Variants in SCG3 observed in about 807,000 individuals in gnomAD.
The protein encoded by SCG3 is secretogranin-3.
A neutral mutation model predicts 56.2 loss-of-function variants in SCG3; 38 were observed. The ratio of observed to expected loss-of-function variants is 0.68; its 90% CI spans 0.52 to 0.89. The LOEUF is 0.89. Ranked by LOEUF, SCG3 falls within the 40% of genes least tolerant of loss-of-function variation. SCG3 has a pLI of 0.00. For missense variants in SCG3, 524 were observed against 540.7 expected (o/e 0.97, Z 0.31); for synonymous variants, 176 against 184.2 (o/e 0.96, Z 0.36).
chr15:51,713,429 G>A lies in SCG3; in HGVS notation c.1288+16G>A. 2 of 1,515,376 alleles carry A rather than the reference G, an allele frequency of 1.3e-6. No individual in the cohort carries two copies. The highest frequency in any genetic ancestry group is 1.8e-6 in the Non-Finnish European group (2 of 1,109,622). The allele number at this position is 1,515,376 out of a possible 1,614,324, so 93.9% of individuals were successfully genotyped here. Reference sequence around the variant, plus strand: ...AATAAAGAAGGTAGGACCAAGTGTGGTTGTACATTGCAAACTTCACCCATT... The same window carrying A: ...AATAAAGAAGGTAGGACCAAGTGTGATTGTACATTGCAAACTTCACCCATT... On this transcript the variant is annotated intron_variant, in intron 11 of 11. Transcript: ENST00000220478.
intron 6 of SCG3, among the ~76,000 whole-genome samples, chr15:51,690,361 T>C (rs2055258730): frequency 6.6e-6 from 1 of 152,188 alleles, no homozygotes; most frequent in Non-Finnish European, 1.5e-5. Flanking sequence ...AAACTGACCA[T>C]AAGGGGATAT....
intron 11 of SCG3, among the ~76,000 whole-genome samples, chr15:51,718,163 ATAGT>A (rs1230376745): frequency 2.0e-5 from 3 of 150,466 alleles, no homozygotes; most frequent in Middle Eastern, 3.4e-3. Context: ...ACCTATATAG[ATAGT>A]TAGATGATGG....
chr15:51,691,751 A>T (rs894303027), intron 6 of SCG3, among the ~76,000 whole-genome samples: 13 of 152,222 alleles, frequency 8.5e-5, no homozygotes, highest in African/African-American at 2.9e-4. Flanking sequence ...AGGGATAGAC[A>T]TTCTAACAGG....
intron 10 of SCG3, among the ~76,000 whole-genome samples, chr15:51,710,752 A>AT (rs60536489): frequency 0.13 from 13,328 of 104,852 alleles, 1,915 homozygotes; most frequent in African/African-American, 0.35. Flanking sequence ...TGCCTGGCTA[A>AT]TTTTTTTTTT....
Position 51,682,535 on chromosome 15 carries a change from G to A in SCG3, c.101G>A (p.Arg34Lys), listed in dbSNP as rs376881513. The A allele has an allele frequency of 1.6e-5, 23 of 1,454,924 alleles. No individual in the cohort carries two copies. The South Asian group carries it at 2.9e-4, about 18-fold the overall frequency. 90.1% of individuals were successfully genotyped at this position (1,454,924 alleles called of 1,614,324 possible). Residue 34 changes from arginine to lysine, a missense_variant, in exon 2 of 12, where the codon AGA becomes AAA. Transcript: ENST00000220478. ...GGSQDKSLHN[R>K]ELSAERPLNE... ...ATTCTAGACAAATCTCTACATAATA[G>A]AGAATTAAGTGCAGAAAGACCTTTG...
At chr15:51,716,648 A>G (rs1185830882) in intron 11 of SCG3, among the ~76,000 whole-genome samples, 1 of 152,198 alleles carries the variant, frequency 6.6e-6, no homozygotes, top group African/African-American at 2.4e-5. Context: ...CTCTCACTCA[A>G]CACAACAATC....
chr15:51,707,089 T>C (rs941703219), intron 10 of SCG3, among the ~76,000 whole-genome samples: 2 of 152,230 alleles, frequency 1.3e-5, no homozygotes, highest in African/African-American at 4.8e-5. Flanking sequence ...TGTTTACTCA[T>C]TCACATCTGT....
chr15:51,682,480 G>T (rs769091338), intron 1 of SCG3, 37 bp from the exon 2 acceptor site: 1 of 1,141,160 alleles, frequency 8.8e-7, no homozygotes, highest in South Asian at 1.5e-5. Context: ...GTCCTTCAAC[G>T]CACAATTAAA....
chr15:51,720,573 A>G lies in SCG3; in HGVS notation c.*1047A>G, dbSNP rs1355335752. On this transcript the variant is annotated 3_prime_UTR_variant, in exon 12 of 12. Coordinates refer to ENST00000220478, the MANE Select transcript of SCG3 (RefSeq NM_013243.4). ...AAATTAATTACATACATATTTTTCT[A>G]TATATTTGTTTCAAACTGTAAAAAT... The G allele has an allele frequency of 6.6e-6, 1 of 152,206 alleles. No individual in the cohort carries two copies. The highest frequency in any genetic ancestry group is 1.5e-5 in the Non-Finnish European group (1 of 68,032). The allele number at this position is 152,206 out of a possible 1,614,324, so 9.4% of individuals were successfully genotyped here.
intron 10 of SCG3, among the ~76,000 whole-genome samples, chr15:51,703,330 C>A (rs912384857): frequency 6.6e-6 from 1 of 152,154 alleles, no homozygotes; most frequent in African/African-American, 2.4e-5. Context: ...AGAAGAGAAA[C>A]AAACTAGCTA....
At chr15:51,695,072 G>C (rs374951003) in intron 7 of SCG3, among the ~76,000 whole-genome samples, 12 of 151,450 alleles carry the variant, frequency 7.9e-5, no homozygotes, top group Admixed American at 3.3e-4. Context: ...GAAACTGCTA[G>C]TAATCGTTAC....
intron 11 of SCG3, 91 bp from the exon 12 acceptor site, chr15:51,719,317 T>C (rs1347382485): frequency 1.2e-6 from 1 of 816,870 alleles, no homozygotes; most frequent in Non-Finnish European, 2.0e-6. Flanking sequence ...ATTGTGTTAT[T>C]GTATAAAATG....
At chr15:51,689,404 TG>T in intron 6 of SCG3, 36 bp downstream of exon 6, 2 of 1,127,088 alleles carry the variant, frequency 1.8e-6, no homozygotes, top group Non-Finnish European at 2.3e-6. Flanking sequence ...CATGGGGGTG[TG>T]TGTGTGTGTG....
intron 9 of SCG3, among the ~76,000 whole-genome samples, chr15:51,700,758 C>T (rs1036169020): frequency 6.7e-6 from 1 of 149,064 alleles, no homozygotes; most frequent in African/African-American, 2.5e-5. Flanking sequence ...TGATCACCTA[C>T]ACTGATTAAA....
At chr15:51,686,075 G>C (rs770295202) in intron 4 of SCG3, among the ~76,000 whole-genome samples, 21 of 152,178 alleles carry the variant, frequency 1.4e-4, no homozygotes, top group Non-Finnish European at 2.8e-4. Context: ...TGATGACTTG[G>C]GACATGACCC....
intron 1 of SCG3, among the ~76,000 whole-genome samples, chr15:51,682,092 C>A (rs2055198486): frequency 6.6e-6 from 1 of 151,874 alleles, no homozygotes; most frequent in Non-Finnish European, 1.5e-5. Flanking sequence ...CCTTTTTCAC[C>A]TAAAGTGGCT....
chr15:51,682,598 A>G (rs755433274), intron 2 of SCG3, 29 bp downstream of exon 2: 1 of 1,236,248 alleles, frequency 8.1e-7, no homozygotes, highest in East Asian at 2.7e-5. Flanking sequence ...TATGAATGCT[A>G]TTTCATTTTG....
chr15:51,689,643 G>A (rs188158698), intron 6 of SCG3, among the ~76,000 whole-genome samples: 112 of 152,068 alleles, frequency 7.4e-4, no homozygotes, highest in African/African-American at 2.6e-3. Flanking sequence ...AAAATAATTA[G>A]CTGGGTGTGG....
chr15:51,689,846 A>G (rs1431097409), intron 6 of SCG3, among the ~76,000 whole-genome samples: 2 of 152,244 alleles, frequency 1.3e-5, no homozygotes, highest in South Asian at 2.1e-4. Flanking sequence ...CCAAAAAGTT[A>G]AAAGATATAA....
Sources: allele counts gnomAD v4.1 joint callset (sites outside exome capture counted in the v4.1 genomes callset), GRCh38; gene constraint gnomAD v4.1.1; transcripts MANE v1.5; gene names NCBI Gene and HGNC (gene_info 2026-07-23, HGNC 2026-07-21).